ADGRV1: variants seen among roughly 807,000 people sequenced by gnomAD.
ADGRV1 encodes adhesion G protein-coupled receptor V1.
Under a neutral mutation model 596.2 loss-of-function variants are expected in ADGRV1, and 359 were observed. The ratio of observed to expected loss-of-function variants is 0.60; its 90% CI spans 0.55 to 0.66. ADGRV1 has a LOEUF of 0.66. ADGRV1 is among the 30% of genes least tolerant of loss of function. The pLI, the probability that ADGRV1 is intolerant of heterozygous loss-of-function variation, is 0.00. For missense variants in ADGRV1, 7,274 were observed against 7,575.6 expected, an observed-to-expected ratio of 0.96 and a Z score of 1.48; for synonymous variants, 2,681 against 2,679.2, an observed-to-expected ratio of 1.00 and a Z score of -0.02.
At position 90,774,227 on chromosome 5, in the gene ADGRV1, C is replaced by G; in HGVS notation, c.12327C>G (p.Asp4109Glu). Residue 4109 changes from aspartate (D) to glutamate (E), a missense_variant, in exon 60 of 90, where the codon GAC becomes GAG. Transcript: ENST00000405460. ...CCATTGTGTTGCACACACTTCAAGA[C>G]ACAGTGTTGGAGGAGGACAGGCGTT... ...QKTIVLHTLQ[D>E]TVLEEDRRFT... 1 of 1,611,004 alleles carries G rather than the reference C, an allele frequency of 6.2e-7. No homozygotes were observed. The highest frequency in any genetic ancestry group is 8.5e-7 in the Non-Finnish European group (1 of 1,177,434).
chr5:91,095,676 C>CCT (rs1337715282), intron 86 of ADGRV1, among the ~76,000 whole-genome samples: 1 of 151,982 alleles, frequency 6.6e-6, no homozygotes, highest in Admixed American at 6.6e-5. Flanking sequence ...AGAATAAAGA[C>CCT]CTATGTTTTA....
intron 1 of ADGRV1, among the ~76,000 whole-genome samples, chr5:90,595,935 C>T (rs1459040070): frequency 3.4e-4 from 51 of 149,880 alleles, no homozygotes; most frequent in African/African-American, 9.5e-4. Flanking sequence ...CGGGCGGAGA[C>T]GCTCCTCACT....
chr5:90,965,486 C>A lies in ADGRV1; in HGVS notation c.17928C>A (p.Val5976=). 6.2e-7 allele frequency: 1 copy of A among 1,613,596 alleles called. No individual in the cohort carries two copies. Among genetic ancestry groups the A allele is most frequent in the South Asian group, 1.1e-5 (1 of 91,046 alleles). ...AGAGCTGTTCAGCTATGGCTGCTGT[C>A]ACACATTACCTGTATCTTTGCCAGT... The part of the protein sequence containing the change: ...AEESCSAMAA[V]THYLYLCQFS... Residue 5976 remains valine, a synonymous_variant, in exon 84 of 90, where the codon GTC becomes GTA. Coordinates refer to ENST00000405460, the MANE Select transcript of ADGRV1 (RefSeq NM_032119.4).
intron 88 of ADGRV1, 32 bp downstream of exon 88, chr5:91,150,253 C>T (rs1795934719): frequency 2.1e-6 from 3 of 1,415,570 alleles, no homozygotes; most frequent in African/African-American, 1.4e-5. Flanking sequence ...TTCTCTGTCT[C>T]TCTGTCTCTG....
At position 90,643,972 on chromosome 5, in the gene ADGRV1, C is replaced by G. The variant is rs770200380; in HGVS notation, c.2723C>G (p.Ala908Gly). 1.8e-5 allele frequency: 29 copies of G among 1,594,216 alleles called. No homozygotes were observed. The highest frequency in any genetic ancestry group is 2.4e-5 in the Non-Finnish European group (28 of 1,165,564). Residue 908 changes from alanine to glycine, a missense_variant, in exon 14 of 90, where the codon GCT becomes GGT. Physicochemically the swap from Ala to Gly is moderately conservative, Grantham distance 60. This residue lies in a region of ADGRV1 where 1,715 missense variants were observed against 1,708.8 expected (regional missense o/e 1.00). Coordinates refer to ENST00000405460, the MANE Select transcript of ADGRV1 (RefSeq NM_032119.4). The part of the protein sequence containing the change: ...IVMINESKGD[A>G]IYSAVYDVVR... ...ATGATAAATGAAAGCAAAGGAGATG[C>G]TATCTATAGTGGTAATTTATTCTGT...
rs145655153 is a variant in ADGRV1 at position 90,727,926 on chromosome 5, C to T, written c.10162-743C>T. 2.1e-4 allele frequency among the ~76,000 whole-genome samples: 32 copies of T among 152,316 alleles called. No individual in the cohort carries two copies. In the East Asian group the frequency reaches 2.5e-3, roughly 12 times the overall value. ...CCCAAATACCTTCATAATTCTCTAT[C>T]AGACCATCCTAATTGTCATCTTCAG... On this transcript the variant is annotated intron_variant, in intron 48 of 89. Coordinates refer to ENST00000405460, the MANE Select transcript of ADGRV1 (RefSeq NM_032119.4).
At chr5:90,660,251 G>T in intron 21 of ADGRV1, among the ~76,000 whole-genome samples, 1 of 151,960 alleles carries the variant, frequency 6.6e-6, no homozygotes, top group East Asian at 1.9e-4. Flanking sequence ...GTCTTAAAAT[G>T]AGTTATCAAT....
intron 85 of ADGRV1, among the ~76,000 whole-genome samples, chr5:91,006,975 A>C (rs1782334652): frequency 1.3e-5 from 2 of 152,184 alleles, no homozygotes; most frequent in Non-Finnish European, 2.9e-5. Context: ...AGCCACATGA[A>C]TATTTCCCAC....
intron 1 of ADGRV1, among the ~76,000 whole-genome samples, chr5:90,569,199 C>A (rs1186675028): frequency 6.6e-6 from 1 of 151,490 alleles, no homozygotes; most frequent in African/African-American, 2.4e-5. Context: ...TTCATGAGGG[C>A]AAAGCCTTCA....
rs544362073 is a variant in ADGRV1, at chr5:90,572,385, A to C, written c.22+13468A>C. Among the ~76,000 whole-genome samples the C allele has an allele frequency of 1.4e-4, 22 of 152,216 alleles. No homozygotes were observed. The South Asian group carries it at 1.7e-3, about 11-fold the overall frequency. ...AATAATATAAAATAAAATAAAGTAA[A>C]ATAAAATAAAAAAGTTCTTCTGAAG... On this transcript the variant is annotated intron_variant, in intron 1 of 89. Transcript: ENST00000405460.
rs41311621 is a variant in ADGRV1 at position 90,815,783 on chromosome 5, G to A, written c.16196+47G>A. On this transcript the variant is annotated intron_variant, in intron 75 of 89. Transcript: ENST00000405460. ...GGAAGACGTAACATTCTGTGTGTCT[G>A]TACAAATGTAATTTCAATTCATACA... The A allele has an allele frequency of 2.7e-4, 291 of 1,061,334 alleles. 1 individual carries two copies. The highest frequency in any genetic ancestry group is 1.8e-3 in the Admixed American group (88 of 50,012). 65.7% of individuals were successfully genotyped at this position (1,061,334 alleles called of 1,614,324 possible). A position where few individuals can be genotyped will look rare whatever the true frequency, so the allele number is the denominator to read the frequency against.
intron 87 of ADGRV1, among the ~76,000 whole-genome samples, chr5:91,123,189 A>G (rs1363398858): frequency 8.2e-6 from 1 of 122,132 alleles, no homozygotes; most frequent in African/African-American, 2.5e-5. Flanking sequence ...TGAATGAGAT[A>G]ATATATGTAA....
chr5:91,000,584 A>G (rs1389869270), intron 85 of ADGRV1, among the ~76,000 whole-genome samples: 1 of 151,814 alleles, frequency 6.6e-6, no homozygotes, highest in Non-Finnish European at 1.5e-5. Flanking sequence ...GATAGTAAAT[A>G]TTGTATATTA....
chr5:90,790,809 T>G (rs781204866), intron 69 of ADGRV1, 64 bp from the exon 70 acceptor site: 50 of 1,062,930 alleles, frequency 4.7e-5, no homozygotes, highest in Non-Finnish European at 6.3e-5. Flanking sequence ...AAACATAATT[T>G]AAGGGAATTT....
intron 52 of ADGRV1, among the ~76,000 whole-genome samples, chr5:90,748,800 TG>T (rs1332895917): frequency 1.3e-5 from 2 of 148,438 alleles, no homozygotes; most frequent in Non-Finnish European, 3.0e-5. Flanking sequence ...TTGCCTAGTT[TG>T]TCTATCATCA....
chr5:90,789,895 C>A (rs981034864), intron 69 of ADGRV1, 44 bp downstream of exon 69: 2 of 1,298,040 alleles, frequency 1.5e-6, no homozygotes, highest in African/African-American at 1.5e-5. Context: ...GTTTGCCTAA[C>A]AAATGTGGTT....
chr5:90,688,188 C>T (rs1745948823), intron 29 of ADGRV1, among the ~76,000 whole-genome samples: 1 of 151,986 alleles, frequency 6.6e-6, no homozygotes, highest in Non-Finnish European at 1.5e-5. Context: ...GTACTGGTAC[C>T]AAAACAGAGA....
chr5:91,035,884 T>TATA (rs1554202414), intron 85 of ADGRV1, among the ~76,000 whole-genome samples: 2 of 66,676 alleles, frequency 3.0e-5, no homozygotes, highest in African/African-American at 4.6e-5. Context: ...TATATATATC[T>TATA]TACAACAATG....
Position 90,759,456 on chromosome 5 carries a change from A to G in ADGRV1, c.11988A>G (p.Glu3996=). 1.3e-6 allele frequency: 2 copies of G among 1,592,902 alleles called. No individual in the cohort carries two copies. The highest frequency in any genetic ancestry group is 1.8e-5 in the Admixed American group (1 of 56,274). The change falls in exon 58 of 90, where the codon GAA becomes GAG. Residue 3996 remains glutamate (E), a synonymous_variant. Coordinates refer to ENST00000405460, the MANE Select transcript of ADGRV1 (RefSeq NM_032119.4). ...CCATAATTGATGATGCTGAATTTGA[A>G]TTGACAGAGACGTTCAATATTTCCT... ...EITIIDDAEF[E]LTETFNISLI...
Sources: gnomAD v4.1 joint callset for allele counts (sites outside exome capture counted in the v4.1 genomes callset) on GRCh38, gnomAD v4.1.1 for gene constraint, gnomAD v4.1.1 regional missense constraint, MANE v1.5 for transcripts, NCBI Gene and HGNC (gene_info 2026-07-23, HGNC 2026-07-21) for gene names.